Variants in PLXND1 observed in about 807,000 individuals in gnomAD.
PLXND1 encodes the protein plexin-D1.
Under a neutral mutation model 197.7 loss-of-function variants are expected in PLXND1, and 54 were observed. The observed-to-expected ratio is 0.27, with a 90% CI of 0.22 to 0.34. PLXND1 has a LOEUF of 0.34. PLXND1 is among the 10% of genes least tolerant of loss of function. PLXND1 has a pLI of 1.00. For synonymous variants in PLXND1, 1,180 were observed against 1,161.2 expected (o/e 1.02, Z -0.33); for missense variants, 2,127 against 2,699.2 (o/e 0.79, Z 4.70).
rs759816862 is a variant in PLXND1 at position 129,557,229 on chromosome 3, C to CAGAG, written c.5446-10_5446-7dup. 483 of 1,613,906 alleles carry CAGAG rather than the reference C, an allele frequency of 3.0e-4. 1 individual carries two copies. Among genetic ancestry groups the CAGAG allele is most frequent in the Non-Finnish European group, 3.7e-4 (438 of 1,179,988 alleles). Reference sequence around the variant, plus strand: ...AGCTTGTTGGTTGGCGAATCCTGGGCAGAGAAGAGCGAGGGTGTTAGATGG... The same window carrying CAGAG: ...AGCTTGTTGGTTGGCGAATCCTGGGCAGAGAGAGAAGAGCGAGGGTGTTAGATGG... On this transcript the variant is annotated splice_region_variant and splice_polypyrimidine_tract_variant and intron_variant, in intron 33 of 35. Coordinates refer to ENST00000324093, the MANE Select transcript of PLXND1 (RefSeq NM_015103.3). This position sits in a 1 kb window ranked among gnomAD's most constrained non-coding sequence, Gnocchi z 4.8.
At position 129,561,910 on chromosome 3, in the gene PLXND1, G is replaced by T. The variant is rs377116676; in HGVS notation, c.4826-7C>A. 6.2e-6 allele frequency: 10 copies of T among 1,604,546 alleles called. No homozygotes were observed. In the East Asian group the frequency reaches 1.8e-4, roughly 29 times the overall value. ...GTGCTGGAGGCGAACCACTCTGGGG[G>T]ACAAGGGACAGGCCATCAGGGTCCG... is the stretch of plus-strand genomic sequence containing the variant. On this transcript the variant is annotated splice_polypyrimidine_tract_variant and splice_region_variant and intron_variant, in intron 27 of 35. Coordinates refer to ENST00000324093, the MANE Select transcript of PLXND1 (RefSeq NM_015103.3).
chr3:129,586,580 G>T lies in PLXND1; in HGVS notation c.1620+8C>A. 1.3e-6 allele frequency: 2 copies of T among 1,564,392 alleles called. No individual in the cohort carries two copies. Among genetic ancestry groups the T allele is most frequent in the Non-Finnish European group, 1.7e-6 (2 of 1,153,710 alleles). Reference sequence around the variant, plus strand: ...TGGGATGGCGTTGGGCTGGGGCTCTGGCCTCACCTGGTGGGACGTCATCAG... The same window carrying T: ...TGGGATGGCGTTGGGCTGGGGCTCTTGCCTCACCTGGTGGGACGTCATCAG... On this transcript the variant is annotated splice_region_variant and intron_variant, in intron 3 of 35. Coordinates refer to ENST00000324093, the MANE Select transcript of PLXND1 (RefSeq NM_015103.3).
rs576874629 is a variant in PLXND1 at position 129,585,854 on chromosome 3, C to A, written c.1851+98G>T. 1.7e-4 allele frequency: 261 copies of A among 1,503,060 alleles called. 1 individual carries two copies. Among genetic ancestry groups the A allele is most frequent in the Non-Finnish European group, 2.1e-4 (223 of 1,087,408 alleles). The allele number at this position is 1,503,060 out of a possible 1,614,324, so 93.1% of individuals were successfully genotyped here. A position where few individuals can be genotyped will look rare whatever the true frequency, so the allele number is the denominator to read the frequency against. On this transcript the variant is annotated intron_variant, in intron 5 of 35. Coordinates refer to ENST00000324093, the MANE Select transcript of PLXND1 (RefSeq NM_015103.3). ...ATTATTTGTCTTCAGGTCCTTGGGG[C>A]ACCATGGGTGGGAGTCTCCACCTCT...
Position 129,556,324 on chromosome 3 carries a change from G to A in PLXND1, c.5766C>T (p.Tyr1922=). Residue 1922 remains tyrosine, a synonymous_variant, in exon 36 of 36, where the codon TAC becomes TAT. Transcript: ENST00000324093. ...ALMEDNIYEC[Y]SEA is the part of the protein sequence containing the mutation. The stretch of plus-strand genomic sequence containing the variant: ...CTCTCCATGTGTCTCAGGCCTCACT[G>A]TAGCACTCGTAGATGTTGTCCTCCA... 1 of 1,608,974 alleles carries A rather than the reference G, an allele frequency of 6.2e-7. No individual in the cohort carries two copies. Among genetic ancestry groups the A allele is most frequent in the Non-Finnish European group, 8.5e-7 (1 of 1,175,220 alleles).
At chr3:129,595,921 G>GCACGCACACACA (rs1553793028) in intron 1 of PLXND1, among the ~76,000 whole-genome samples, 4 of 146,410 alleles carry the variant, frequency 2.7e-5, no homozygotes, top group South Asian at 4.4e-4. Context: ...GTGCACGCAC[G>GCACGCACACACA]CACACACACA....
At chr3:129,571,410 A>C in intron 17 of PLXND1, 99 bp downstream of exon 17, 1 of 1,519,734 alleles carries the variant, frequency 6.6e-7, no homozygotes, top group Non-Finnish European at 9.1e-7. Context: ...AGAGGGAGGA[A>C]GAGGGGACAG....
chr3:129,575,103 C>A (rs998062853), intron 11 of PLXND1, among the ~76,000 whole-genome samples: 23 of 152,176 alleles, frequency 1.5e-4, no homozygotes, highest in African/African-American at 5.6e-4. Context: ...GTGGACCCAA[C>A]ACAGACAGTC....
At position 129,572,767 on chromosome 3, in the gene PLXND1, C is replaced by T. The variant is rs778047943; in HGVS notation, c.2938-19G>A. 57 of 1,600,794 alleles carry T rather than the reference C, an allele frequency of 3.6e-5. No individual in the cohort carries two copies. Among genetic ancestry groups the T allele is most frequent in the Non-Finnish European group, 4.6e-5 (54 of 1,171,538 alleles). On this transcript the variant is annotated intron_variant, in intron 14 of 35. Transcript: ENST00000324093. ...GGGGCAGCTGTGGGAGGAAGGCAGG[C>T]GTTTGGGCCTCGGGCCAGCCCCCGG...
intron 1 of PLXND1, among the ~76,000 whole-genome samples, chr3:129,604,878 C>T (rs2085760799): frequency 6.6e-6 from 1 of 152,220 alleles, no homozygotes; most frequent in African/African-American, 2.4e-5. Flanking sequence ...CCTCCTTGCA[C>T]ACCTGCCACA....
Position 129,565,909 on chromosome 3 carries a change from T to G in PLXND1, c.4300A>C (p.Lys1434Gln), listed in dbSNP as rs1427649723. 2 of 1,614,052 alleles carry G rather than the reference T, an allele frequency of 1.2e-6. No individual in the cohort carries two copies. Among genetic ancestry groups the G allele is most frequent in the African/African-American group, 2.7e-5 (2 of 74,936 alleles). ...GACCTGTCGCGCACCGCAAAGTCCT[T>G]CTGCTGCTCCAGCGCGTGGACAAAG... The part of the protein sequence containing the change: ...IVFVHALEQQ[K>Q]DFAVRDRCSL... The change falls in exon 24 of 36, where the codon AAG becomes CAG. Residue 1434 changes from lysine to glutamine, a missense_variant. This residue lies in a region of PLXND1 where 532 missense variants were observed against 811.0 expected (regional missense o/e 0.66). Transcript: ENST00000324093.
Position 129,562,773 on chromosome 3 carries a change from C to A in PLXND1, c.4825+14G>T. 6.3e-7 allele frequency: 1 copy of A among 1,585,660 alleles called. No individual in the cohort carries two copies. The highest frequency in any genetic ancestry group is 8.6e-7 in the Non-Finnish European group (1 of 1,158,202). ...AGCGCCTGACACGGGGTCTCTGCCC[C>A]CATTCCCACCCACCAAGGTCGACGT... On this transcript the variant is annotated intron_variant, in intron 27 of 35. Transcript: ENST00000324093.
In PLXND1 at chr3:129,574,435, G is replaced by C. The variant is rs369653753; in HGVS notation, c.2586C>G (p.Arg862=). 6.8e-6 allele frequency: 11 copies of C among 1,612,990 alleles called. No homozygotes were observed. The highest frequency in any genetic ancestry group is 9.3e-6 in the Non-Finnish European group (11 of 1,179,938). The change falls in exon 12 of 36, where the codon CGC becomes CGG. Residue 862 remains arginine, a synonymous_variant. Coordinates refer to ENST00000324093, the MANE Select transcript of PLXND1 (RefSeq NM_015103.3). ...ACATGCACAGGTGACCCAGGTCTTCGCGGCCCAGGCACTGGGAACAGTCGG... is the reference window on the plus strand; with the variant it reads ...ACATGCACAGGTGACCCAGGTCTTCCCGGCCCAGGCACTGGGAACAGTCGG... ...GSPDCSQCLG[R]EDLGHLCMWS...
Position 129,558,279 on chromosome 3 carries a change from C to A in PLXND1, c.5445+149G>T. Reference sequence around the variant, plus strand: ...TGTCTCCCTGTCTGAATGAGTCACTCATCCCACATCCCCTAGACCTGAGAT... The same window carrying A: ...TGTCTCCCTGTCTGAATGAGTCACTAATCCCACATCCCCTAGACCTGAGAT... On this transcript the variant is annotated intron_variant, in intron 33 of 35. Transcript: ENST00000324093. This position sits in a 1 kb window ranked among gnomAD's most constrained non-coding sequence, Gnocchi z 4.1. 1 of 714,916 alleles carries A rather than the reference C, an allele frequency of 1.4e-6. No homozygotes were observed. The highest frequency in any genetic ancestry group is 2.3e-6 in the Non-Finnish European group (1 of 428,798). 44.3% of individuals were successfully genotyped at this position (714,916 alleles called of 1,614,324 possible).
At position 129,606,601 on chromosome 3, in the gene PLXND1, G is replaced by C; in HGVS notation, c.39C>G (p.Ala13=). The C allele has an allele frequency of 8.3e-7, 1 of 1,199,836 alleles. No individual in the cohort carries two copies. Among genetic ancestry groups the C allele is most frequent in the Non-Finnish European group, 1.0e-6 (1 of 967,976 alleles). 74.3% of individuals were successfully genotyped at this position (1,199,836 alleles called of 1,614,324 possible). Reference sequence around the variant, plus strand: ...GCGGGGGGCTGGCGGCGGCGGCCCGGGCGCTAAGGGGTGCGCCGCCCGCGG... The same window carrying C: ...GCGGGGGGCTGGCGGCGGCGGCCCGCGCGCTAAGGGGTGCGCCGCCCGCGG... ...PRAAGGAPLS[A]RAAAASPPPF... The change falls in exon 1 of 36, where the codon GCC becomes GCG. Residue 13 remains alanine, a synonymous_variant. Coordinates refer to ENST00000324093, the MANE Select transcript of PLXND1 (RefSeq NM_015103.3).
intron 12 of PLXND1, 142 bp downstream of exon 12, chr3:129,574,194 C>T (rs750209864): frequency 2.8e-6 from 2 of 706,728 alleles, no homozygotes; most frequent in Non-Finnish European, 4.6e-6. Context: ...AGGCAGAGCA[C>T]TTCCTTTTGT....
intron 9 of PLXND1, among the ~76,000 whole-genome samples, chr3:129,576,171 G>A (rs778754086): frequency 5.9e-5 from 9 of 152,260 alleles, no homozygotes; most frequent in Non-Finnish European, 1.2e-4. Context: ...CACTCCCAGC[G>A]GGGTTCCCCT....
rs914768150 is a variant in PLXND1, at chr3:129,577,699, G to A, written c.2346+630C>T. ...TCCCACCCAGGACGCGCCTCCAGGA[G>A]GGGTCCAGAAAGGAGCTGCGTCCCC... On this transcript the variant is annotated intron_variant, in intron 9 of 35. Transcript: ENST00000324093. The surrounding 1 kb of genome is among the most constrained non-coding windows in gnomAD (Gnocchi z 5.0). 7.2e-5 allele frequency among the ~76,000 whole-genome samples: 11 copies of A among 152,214 alleles called. No individual in the cohort carries two copies. Among genetic ancestry groups the A allele is most frequent in the African/African-American group, 2.7e-4 (11 of 41,456 alleles).
At position 129,606,131 on chromosome 3, in the gene PLXND1, G is replaced by C. The variant is rs1416245511; in HGVS notation, c.509C>G (p.Ala170Gly). 1.3e-6 allele frequency: 2 copies of C among 1,507,182 alleles called. No homozygotes were observed. The highest frequency in any genetic ancestry group is 1.8e-6 in the Non-Finnish European group (2 of 1,135,280). The allele number at this position is 1,507,182 out of a possible 1,614,324, so 93.4% of individuals were successfully genotyped here. ...AVRFPPAAPP[A>G]EPVTVFPSML... ...GCTGGGGAACACCGTGACGGGCTCG[G>C]CGGGCGGCGCGGCGGGCGGGAAGCG... The change falls in exon 1 of 36, where the codon GCC becomes GGC. Residue 170 changes from alanine (A) to glycine (G), a missense_variant. Coordinates refer to ENST00000324093, the MANE Select transcript of PLXND1 (RefSeq NM_015103.3).
intron 23 of PLXND1, 109 bp from the exon 24 acceptor site, chr3:129,566,126 C>T: frequency 8.8e-7 from 1 of 1,133,092 alleles, no homozygotes; most frequent in South Asian, 1.4e-5. Context: ...ATGGGGAGCT[C>T]ATTACCTTCC....
Sources: allele counts gnomAD v4.1 joint callset (sites outside exome capture counted in the v4.1 genomes callset), GRCh38; gene constraint gnomAD v4.1.1; regional missense constraint gnomAD v4.1.1; non-coding constraint Gnocchi (gnomAD v3.1); transcripts MANE v1.5; gene names NCBI Gene and HGNC (gene_info 2026-07-23, HGNC 2026-07-21).